The following DOCK10 variants were observed in gnomAD, a reference collection of about 807,000 sequenced individuals.
The protein encoded by DOCK10 is dedicator of cytokinesis 10, also known as dedicator of cytokinesis protein 10.
In DOCK10, 145 loss-of-function variants were observed where a neutral mutation model predicts 280.1. That is an observed-to-expected ratio of 0.52 (90% CI 0.45 to 0.59). The LOEUF is 0.59. Among genes scored for constraint, DOCK10 ranks in the 20% least tolerant of loss-of-function variants. DOCK10 has a pLI of 0.00. For synonymous variants in DOCK10, 915 were observed against 942.2 expected, an observed-to-expected ratio of 0.97 and a Z score of 0.53; for missense variants, 2,368 against 2,651.7, an observed-to-expected ratio of 0.89 and a Z score of 2.35.
intron 21 of DOCK10, 77 bp downstream of exon 21, chr2:224,845,125 TA>T: frequency 7.1e-7 from 1 of 1,406,134 alleles, no homozygotes. Context: ...TGATCTTAAG[TA>T]GCAGAGAAAG....
intron 1 of DOCK10, among the ~76,000 whole-genome samples, chr2:225,014,098 GT>G (rs779702257): frequency 1.3e-4 from 12 of 91,662 alleles, no homozygotes; most frequent in African/African-American, 4.4e-4. Flanking sequence ...TTTTTTTTTT[GT>G]TTTTTTTTTT....
intron 28 of DOCK10, among the ~76,000 whole-genome samples, chr2:224,821,831 A>G (rs773024435): frequency 6.6e-6 from 1 of 152,194 alleles, no homozygotes; most frequent in Non-Finnish European, 1.5e-5. Flanking sequence ...GTGGTAGAAA[A>G]CTACAGTAAC....
intron 1 of DOCK10, among the ~76,000 whole-genome samples, chr2:224,949,216 T>C (rs914505364): frequency 4.6e-5 from 7 of 152,206 alleles, no homozygotes; most frequent in African/African-American, 1.7e-4. Flanking sequence ...AACCATTCTA[T>C]GAGACACTCC....
chr2:225,041,850 C>G (rs77763325), intron 1 of DOCK10, among the ~76,000 whole-genome samples: 1 of 152,116 alleles, frequency 6.6e-6, no homozygotes, highest in Non-Finnish European at 1.5e-5. Flanking sequence ...ACGCGCAGAC[C>G]TCCGGACTCA....
intron 1 of DOCK10, among the ~76,000 whole-genome samples, chr2:224,978,827 A>C (rs1705590561): frequency 6.6e-6 from 1 of 152,186 alleles, no homozygotes; most frequent in Non-Finnish European, 1.5e-5. Context: ...TTTCAAACTC[A>C]GCATCCTTAG....
chr2:224,847,478 G>A (rs2125511195), intron 19 of DOCK10, among the ~76,000 whole-genome samples: 1 of 152,260 alleles, frequency 6.6e-6, no homozygotes, highest in East Asian at 1.9e-4. Flanking sequence ...ATTCTCATGT[G>A]AAAAAGCTCA....
At chr2:225,020,197 AT>A in intron 1 of DOCK10, among the ~76,000 whole-genome samples, 1 of 152,036 alleles carries the variant, frequency 6.6e-6, no homozygotes, top group Non-Finnish European at 1.5e-5. Flanking sequence ...TAAAGTATAT[AT>A]ATATATAAAT....
intron 1 of DOCK10, among the ~76,000 whole-genome samples, chr2:225,033,040 C>A (rs972805241): frequency 6.6e-6 from 1 of 152,126 alleles, no homozygotes; most frequent in East Asian, 1.9e-4. Context: ...TTAAACTCTG[C>A]CATTTTGGTA....
At chr2:224,922,730 T>C (rs1312618020) in intron 2 of DOCK10, among the ~76,000 whole-genome samples, 2 of 152,158 alleles carry the variant, frequency 1.3e-5, no homozygotes, top group African/African-American at 2.4e-5. Flanking sequence ...TATCTCTCAA[T>C]TGGCCAAAGG....
At chr2:224,870,815 A>ATGTTTTTTTT (rs1698226044) in intron 11 of DOCK10, among the ~76,000 whole-genome samples, 1 of 52,620 alleles carries the variant, frequency 1.9e-5, no homozygotes, top group Non-Finnish European at 3.5e-5. Flanking sequence ...TGGCCACTCC[A>ATGTTTTTTTT]TTTTTTTTTT....
intron 1 of DOCK10, among the ~76,000 whole-genome samples, chr2:224,964,835 C>T (rs1479380113): frequency 6.6e-6 from 1 of 152,206 alleles, no homozygotes. Context: ...GGGAGAACAG[C>T]CCGGCTATAA....
chr2:224,810,858 C>A (rs915301707), intron 31 of DOCK10, among the ~76,000 whole-genome samples: 1 of 151,910 alleles, frequency 6.6e-6, no homozygotes, highest in African/African-American at 2.4e-5. Context: ...TGTATATGTG[C>A]CACATTTTCT....
chr2:224,853,564 CAATATCTCTCTA>C (rs1025275049), intron 16 of DOCK10, among the ~76,000 whole-genome samples: 1 of 152,166 alleles, frequency 6.6e-6, no homozygotes, highest in Non-Finnish European at 1.5e-5. Context: ...AGATTAATAG[CAATATCTCTCTA>C]AATATCTCTC....
At chr2:224,959,946 A>G (rs1353066587) in intron 1 of DOCK10, among the ~76,000 whole-genome samples, 1 of 152,272 alleles carries the variant, frequency 6.6e-6, no homozygotes, top group Non-Finnish European at 1.5e-5. Flanking sequence ...TGGGTGTGAC[A>G]TATACAGTCC....
At chr2:224,814,817 C>T (rs189445309) in intron 30 of DOCK10, among the ~76,000 whole-genome samples, 211 of 152,314 alleles carry the variant, frequency 1.4e-3, no homozygotes, top group African/African-American at 4.8e-3. Flanking sequence ...CCACCACCCT[C>T]AGCCTATTTG....
chr2:224,990,611 G>T (rs1476705333), intron 1 of DOCK10, among the ~76,000 whole-genome samples: 1 of 150,426 alleles, frequency 6.6e-6, no homozygotes, highest in Non-Finnish European at 1.5e-5. Context: ...TGTTGTTGTT[G>T]TTGTTGTTTT....
chr2:224,798,798 A>AT (rs1326385737), intron 41 of DOCK10, among the ~76,000 whole-genome samples: 1 of 151,878 alleles, frequency 6.6e-6, no homozygotes, highest in Non-Finnish European at 1.5e-5. Context: ...TAGTTGACTA[A>AT]TTTTTTAAAT....
intron 4 of DOCK10, among the ~76,000 whole-genome samples, chr2:224,886,893 C>CCCCCAA (rs550630549): frequency 2.7e-5 from 4 of 149,506 alleles, no homozygotes; most frequent in Non-Finnish European, 4.5e-5. Context: ...CCAACACCCC[C>CCCCCAA]CCAAGTAGTA....
intron 1 of DOCK10, among the ~76,000 whole-genome samples, chr2:224,965,006 C>A (rs546528198): frequency 6.6e-6 from 1 of 152,138 alleles, no homozygotes; most frequent in Non-Finnish European, 1.5e-5. Context: ...TATGTCAATA[C>A]CACTATATCA....
Sources: allele counts gnomAD v4.1 joint callset (sites outside exome capture counted in the v4.1 genomes callset), GRCh38; gene constraint gnomAD v4.1.1; transcripts MANE v1.5; gene names NCBI Gene and HGNC (gene_info 2026-07-23, HGNC 2026-07-21).